UHMK1: variants seen among roughly 807,000 people sequenced by gnomAD.
UHMK1 encodes the protein serine/threonine-protein kinase Kist.
In UHMK1, 18 loss-of-function variants were observed where a neutral mutation model predicts 44.0. The observed-to-expected ratio is 0.41, with a 90% CI of 0.28 to 0.61. UHMK1 has a LOEUF of 0.61. UHMK1 is among the 20% of genes least tolerant of loss of function. The probability of loss-of-function intolerance (pLI) is 0.31; values close to 1 mark genes in which losing one functional copy is unlikely to be tolerated. For missense variants in UHMK1, 463 were observed against 522.5 expected (o/e 0.89, Z 1.11); for synonymous variants, 231 against 198.5 (o/e 1.16, Z -1.38).
chr1:162,506,390 AC>A (rs1341684414), intron 4 of UHMK1, among the ~76,000 whole-genome samples: 2 of 152,110 alleles, frequency 1.3e-5, no homozygotes, highest in African/African-American at 4.8e-5. Flanking sequence ...AAGTCGCTGA[AC>A]CTTTTTTGTT....
intron 4 of UHMK1, among the ~76,000 whole-genome samples, chr1:162,506,284 T>C (rs1651466383): frequency 7.0e-6 from 1 of 143,016 alleles, no homozygotes; most frequent in Admixed American, 7.1e-5. Context: ...AAAGTCATCA[T>C]GAGGAAAATA....
upstream of UHMK1, chr1:162,497,771 C>CA (rs1651100954): frequency 1.5e-6 from 2 of 1,310,200 alleles, no homozygotes; most frequent in Non-Finnish European, 1.9e-6. Flanking sequence ...TCTGAGCCCC[C>CA]CCTCCTTCGG....
chr1:162,512,776 T>C lies in UHMK1; in HGVS notation c.977T>C (p.Leu326Pro). 1.2e-6 allele frequency: 2 copies of C among 1,614,176 alleles called. No individual in the cohort carries two copies. The highest frequency in any genetic ancestry group is 1.7e-6 in the Non-Finnish European group (2 of 1,180,018). The change falls in exon 6 of 8, where the codon CTG becomes CCG. Residue 326 changes from leucine to proline, a missense_variant. Physicochemically the swap from Leu to Pro is moderately conservative, Grantham distance 98 (BLOSUM62 -3). Around this residue, in one of 3 missense-constraint regions of UHMK1, gnomAD observed 264 missense variants for 326.3 expected, o/e 0.81. Coordinates refer to ENST00000489294, the MANE Select transcript of UHMK1 (RefSeq NM_175866.5). The part of the protein sequence containing the change: ...VMLPTPVLRL[L>P]NVLDDDYLEN... ...CTTCCCACTCCAGTGCTAAGACTGC[T>C]GAATGTGCTGGATGATGATTATCTT... is the stretch of plus-strand genomic sequence containing the variant.
intron 6 of UHMK1, among the ~76,000 whole-genome samples, chr1:162,515,955 A>G (rs563355744): frequency 1.3e-5 from 2 of 151,730 alleles, no homozygotes; most frequent in East Asian, 3.9e-4. Flanking sequence ...AATAGCATGA[A>G]CCCGGGAGGC....
upstream of UHMK1, among the ~76,000 whole-genome samples, chr1:162,497,560 G>C (rs772833587): frequency 1.3e-5 from 2 of 152,176 alleles, no homozygotes; most frequent in Admixed American, 6.5e-5. Context: ...AATGTAGGCC[G>C]GGTTTTATTT....
chr1:162,503,644 T>G (rs1241176989), intron 3 of UHMK1, 110 bp from the exon 4 acceptor site: 10 of 549,176 alleles, frequency 1.8e-5, no homozygotes, highest in Non-Finnish European at 2.8e-5. Context: ...TTGTAGGCTC[T>G]CAGAAGATAG....
Position 162,502,965 on chromosome 1 carries a change from A to T in UHMK1, c.754-789A>T, listed in dbSNP as rs111930717. Among the ~76,000 whole-genome samples the T allele has an allele frequency of 4.4e-3, 671 of 152,264 alleles. 3 individuals are homozygous for T. Among genetic ancestry groups the T allele is most frequent in the South Asian group, 0.016 (78 of 4,832 alleles). ...ATGATAGTATCTGTTCTTTTAACTC[A>T]TGTACACAGTTCTAAATTGTGAGTT... On this transcript the variant is annotated intron_variant, in intron 3 of 7. Transcript: ENST00000489294.
In UHMK1 at chr1:162,500,838, A is replaced by T. The variant is rs982505535; in HGVS notation, c.562-75A>T. 3.5e-6 allele frequency: 5 copies of T among 1,413,956 alleles called. No homozygotes were observed. In the Admixed American group the frequency reaches 6.7e-5, roughly 19 times the overall value. The allele number at this position is 1,413,956 out of a possible 1,614,324, so 87.6% of individuals were successfully genotyped here. A position where few individuals can be genotyped will look rare whatever the true frequency, so the allele number is the denominator to read the frequency against. ...AGTGGGTTTACTGCACTCTTAGGGA[A>T]GTAAATTCACTGTAGAGATGGATAG... is the stretch of plus-strand genomic sequence containing the variant. On this transcript the variant is annotated intron_variant, in intron 2 of 7. Coordinates refer to ENST00000489294, the MANE Select transcript of UHMK1 (RefSeq NM_175866.5).
At position 162,498,105 on chromosome 1, in the gene UHMK1, C is replaced by T. The variant is rs1308008795; in HGVS notation, c.105C>T (p.Ala35=). ...VQSRLGSGSS[A]SVYRVRCCGN... is the part of the protein sequence containing the mutation. The stretch of plus-strand genomic sequence containing the variant: ...GCCGTCTGGGTAGCGGCTCCTCCGC[C>T]TCGGTGTATCGGGTTCGCTGCTGCG... The change falls in exon 1 of 8, where the codon GCC becomes GCT. Residue 35 remains alanine, a synonymous_variant. Transcript: ENST00000489294. 3.1e-6 allele frequency: 5 copies of T among 1,612,340 alleles called. No individual in the cohort carries two copies. In the South Asian group the frequency reaches 5.5e-5, roughly 18 times the overall value.
rs148923465 is a variant in UHMK1 at position 162,524,483 on chromosome 1, T to C, written c.*1933T>C. On this transcript the variant is annotated 3_prime_UTR_variant, in exon 8 of 8. Coordinates refer to ENST00000489294, the MANE Select transcript of UHMK1 (RefSeq NM_175866.5). ...AGAATTCAAGTGGGCAGAACCCGTA[T>C]TGTGAAGACCTAAACTTTCCTAAAT... The C allele has an allele frequency of 6.6e-6, 1 of 152,210 alleles. No individual in the cohort carries two copies. The highest frequency in any genetic ancestry group is 2.4e-5 in the African/African-American group (1 of 41,464). The allele number at this position is 152,210 out of a possible 1,614,324, so 9.4% of individuals were successfully genotyped here. A position where few individuals can be genotyped will look rare whatever the true frequency, so the allele number is the denominator to read the frequency against.
Position 162,529,586 on chromosome 1 carries a change from GATAAA to G in UHMK1, c.*7043_*7047del, listed in dbSNP as rs1216877960. Reference sequence around the variant, plus strand: ...TTTCTGATGTGTGTTTGATAAGAGTGATAAAATAAAAGCTTAAAAATAAAGGAGTT... The same window carrying G: ...TTTCTGATGTGTGTTTGATAAGAGTGATAAAAGCTTAAAAATAAAGGAGTT... On this transcript the variant is annotated 3_prime_UTR_variant, in exon 8 of 8. Coordinates refer to ENST00000489294, the MANE Select transcript of UHMK1 (RefSeq NM_175866.5). 2 of 152,160 alleles carry G rather than the reference GATAAA, an allele frequency of 1.3e-5. No homozygotes were observed. The highest frequency in any genetic ancestry group is 1.9e-4 in the East Asian group (1 of 5,188). 9.4% of individuals were successfully genotyped at this position (152,160 alleles called of 1,614,324 possible).
At chr1:162,522,077 T>TGTCTAGA (rs1652080193) in intron 7 of UHMK1, among the ~76,000 whole-genome samples, 1 of 152,156 alleles carries the variant, frequency 6.6e-6, no homozygotes, top group East Asian at 1.9e-4. Flanking sequence ...AGATGTCTAG[T>TGTCTAGA]GTTATTCATC....
upstream of UHMK1, chr1:162,497,675 T>C (rs944236559): frequency 1.8e-5 from 14 of 765,226 alleles, no homozygotes; most frequent in South Asian, 4.0e-5. Flanking sequence ...CCTGGAATGG[T>C]AGATACTCAA....
chr1:162,522,571 TC>T lies in UHMK1; in HGVS notation c.*23del. ...TTTAATCAGTAACCTAAGGACTGTTTCCTTTTTCTCCTCTTCCATTTCTTGG... is the reference window on the plus strand; with the variant it reads ...TTTAATCAGTAACCTAAGGACTGTTTCTTTTTCTCCTCTTCCATTTCTTGG... On this transcript the variant is annotated 3_prime_UTR_variant, in exon 8 of 8. Transcript: ENST00000489294. The T allele has an allele frequency of 6.2e-7, 1 of 1,603,988 alleles. No individual in the cohort carries two copies. The highest frequency in any genetic ancestry group is 1.7e-5 in the Admixed American group (1 of 57,912).
In UHMK1 at chr1:162,501,006, T is replaced by G. The variant is rs772336163; in HGVS notation, c.655T>G (p.Cys219Gly). 1 of 1,614,146 alleles carries G rather than the reference T, an allele frequency of 6.2e-7. No individual in the cohort carries two copies. The highest frequency in any genetic ancestry group is 8.5e-7 in the Non-Finnish European group (1 of 1,180,024). ...GGCTGGCCTGCAGAGTGATACAGAA[T>G]GTACCTCAGCTGTTGATCTGTGGAG... is the stretch of plus-strand genomic sequence containing the variant. ...AQAGLQSDTE[C>G]TSAVDLWSLG... The change falls in exon 3 of 8, where the codon TGT becomes GGT. Residue 219 changes from cysteine to glycine, a missense_variant. Transcript: ENST00000489294.
Position 162,498,245 on chromosome 1 carries a change from A to T in UHMK1, c.245A>T (p.Gln82Leu). The change falls in exon 1 of 8, where the codon CAG becomes CTG. Residue 82 changes from glutamine (Q) to leucine (L), a missense_variant. Physicochemically the swap from Gln to Leu is moderately radical, Grantham distance 113. Coordinates refer to ENST00000489294, the MANE Select transcript of UHMK1 (RefSeq NM_175866.5). ...GFRKERAALE[Q>L]LQGHRNIVTL... ...CGCAAAGAGAGGGCGGCGCTGGAAC[A>T]GTTGCAGGGTCACAGAAACATCGGT... The T allele has an allele frequency of 6.2e-7, 1 of 1,603,110 alleles. No homozygotes were observed. The highest frequency in any genetic ancestry group is 8.5e-7 in the Non-Finnish European group (1 of 1,173,790).
rs530339466 is a variant in UHMK1 at position 162,503,128 on chromosome 1, G to A, written c.754-626G>A. On this transcript the variant is annotated intron_variant, in intron 3 of 7. Transcript: ENST00000489294. ...TGAAAACCAATTGAAGACTCGTTAC[G>A]GAGATACCCTGAGTCACCTATTATA... 5.3e-5 allele frequency among the ~76,000 whole-genome samples: 8 copies of A among 152,160 alleles called. No homozygotes were observed. The East Asian group carries it at 9.6e-4, about 18-fold the overall frequency.
Position 162,512,795 on chromosome 1 carries a change from T to C in UHMK1, c.996T>C (p.Asp332=), listed in dbSNP as rs556875420. The C allele has an allele frequency of 9.9e-6, 16 of 1,614,162 alleles. 1 individual carries two copies. The African/African-American group carries it at 1.9e-4, about 19-fold the overall frequency. Residue 332 remains aspartate, a synonymous_variant, in exon 6 of 8, where the codon GAT becomes GAC. Coordinates refer to ENST00000489294, the MANE Select transcript of UHMK1 (RefSeq NM_175866.5). ...GACTGCTGAATGTGCTGGATGATGA[T>C]TATCTTGAGAATGAAGAGGAATATG... ...VLRLLNVLDD[D]YLENEEEYED...
intron 4 of UHMK1, among the ~76,000 whole-genome samples, chr1:162,506,255 C>A (rs1651464764): frequency 8.3e-6 from 1 of 120,284 alleles, no homozygotes; most frequent in Admixed American, 1.0e-4. Context: ...ACATAGAATA[C>A]TAAATTTGGA....
Sources: gnomAD v4.1 joint callset for allele counts (sites outside exome capture counted in the v4.1 genomes callset) on GRCh38, gnomAD v4.1.1 for gene constraint, gnomAD v4.1.1 regional missense constraint, MANE v1.5 for transcripts, NCBI Gene and HGNC (gene_info 2026-07-23, HGNC 2026-07-21) for gene names.